The following FZD3 variants were observed in gnomAD, a reference collection of about 807,000 sequenced individuals.
FZD3 encodes the protein frizzled class receptor 3, also known as frizzled-3.
In FZD3, 30 loss-of-function variants were observed where a neutral mutation model predicts 60.7. The observed-to-expected ratio is 0.49, with a 90% confidence interval of 0.37 to 0.67. The LOEUF is 0.67. Ranked by LOEUF, FZD3 falls within the 30% of genes least tolerant of loss-of-function variation. FZD3 has a pLI of 0.00. For missense variants in FZD3, 605 were observed against 838.7 expected (o/e 0.72, Z 3.44); for synonymous variants, 246 against 275.2 (o/e 0.89, Z 1.05).
intron 7 of FZD3, among the ~76,000 whole-genome samples, chr8:28,557,193 G>A (rs1805525194): frequency 2.3e-5 from 3 of 132,332 alleles, no homozygotes; most frequent in South Asian, 2.5e-4. Context: ...TGGGCAACAA[G>A]AGCAAAACTC....
At chr8:28,524,441 T>C (rs900256356) in intron 4 of FZD3, among the ~76,000 whole-genome samples, 28 of 152,234 alleles carry the variant, frequency 1.8e-4, no homozygotes, top group African/African-American at 6.0e-4. Flanking sequence ...TTCTGTTCAT[T>C]TTCCTCAGCA....
intron 1 of FZD3, among the ~76,000 whole-genome samples, chr8:28,496,541 A>G (rs1254699168): frequency 1.3e-5 from 2 of 152,202 alleles, no homozygotes; most frequent in Non-Finnish European, 2.9e-5. Flanking sequence ...AAAAATATGT[A>G]CTGGATAAAT....
intron 5 of FZD3, among the ~76,000 whole-genome samples, chr8:28,533,672 G>C (rs541334280): frequency 6.6e-6 from 1 of 152,178 alleles, no homozygotes; most frequent in South Asian, 2.1e-4. Flanking sequence ...GTTCTTCACA[G>C]AAAGGTCCCC....
At position 28,551,503 on chromosome 8, in the gene FZD3, C is replaced by G; in HGVS notation, c.1405-100C>G. 9.6e-6 allele frequency: 9 copies of G among 934,648 alleles called. 1 individual carries two copies. The South Asian group carries it at 1.4e-4, about 14-fold the overall frequency. 57.9% of individuals were successfully genotyped at this position (934,648 alleles called of 1,614,324 possible). A position where few individuals can be genotyped will look rare whatever the true frequency, so the allele number is the denominator to read the frequency against. ...TGCACTCCAGCCTGGGTGACAAGAA[C>G]AAAACTCTGTCTCAAAAGAAAAAGA... On this transcript the variant is annotated intron_variant, in intron 5 of 7. Coordinates refer to ENST00000240093, the MANE Select transcript of FZD3 (RefSeq NM_017412.4).
At chr8:28,528,521 A>G (rs1288357270) in intron 5 of FZD3, among the ~76,000 whole-genome samples, 1 of 152,126 alleles carries the variant, frequency 6.6e-6, no homozygotes, top group East Asian at 1.9e-4. Context: ...CAGGTTAGAA[A>G]TTGTTTTATT....
chr8:28,540,152 C>G (rs1424320917), intron 5 of FZD3, among the ~76,000 whole-genome samples: 1 of 152,142 alleles, frequency 6.6e-6, no homozygotes. Context: ...CCTCAAGACC[C>G]AGGGCTTACA....
At chr8:28,541,948 A>G (rs141097982) in intron 5 of FZD3, among the ~76,000 whole-genome samples, 1,567 of 152,136 alleles carry the variant, frequency 0.01, 10 homozygotes, top group Non-Finnish European at 0.017. Context: ...TGGCCTTCCT[A>G]TTCAACTTCA....
rs150805541 is a variant in FZD3, at chr8:28,495,851, C to G, written c.-391+1508C>G. ...ATGCAGCCTTTCTTCTACCATACCCCCCCACCCCATTGTTTGAAACTATTA... is the reference window on the plus strand; with the variant it reads ...ATGCAGCCTTTCTTCTACCATACCCGCCCACCCCATTGTTTGAAACTATTA... On this transcript the variant is annotated intron_variant, in intron 1 of 7. Transcript: ENST00000240093. Among the ~76,000 whole-genome samples, 820 of 151,966 alleles carry G rather than the reference C, an allele frequency of 5.4e-3. 6 individuals carry two copies. The highest frequency in any genetic ancestry group is 0.018 in the African/African-American group (760 of 41,442).
intron 3 of FZD3, among the ~76,000 whole-genome samples, chr8:28,508,086 G>A (rs772099261): frequency 7.2e-5 from 11 of 152,028 alleles, no homozygotes; most frequent in Non-Finnish European, 1.2e-4. Context: ...GTAGAGGCAA[G>A]ATCTCACTAT....
At chr8:28,537,948 C>A (rs561885185) in intron 5 of FZD3, among the ~76,000 whole-genome samples, 2 of 152,074 alleles carry the variant, frequency 1.3e-5, no homozygotes, top group East Asian at 3.9e-4. Flanking sequence ...GAAACCCCGA[C>A]TCTACTAAAA....
intron 4 of FZD3, among the ~76,000 whole-genome samples, chr8:28,524,683 C>G (rs535182564): frequency 6.6e-6 from 1 of 152,254 alleles, no homozygotes; most frequent in South Asian, 2.1e-4. Context: ...ACAGCCCTCC[C>G]TGGATAATCT....
At chr8:28,501,460 C>T (rs1223671774) in intron 2 of FZD3, among the ~76,000 whole-genome samples, 1 of 152,140 alleles carries the variant, frequency 6.6e-6, no homozygotes, top group African/African-American at 2.4e-5. Context: ...TTAAGTTGTC[C>T]TATTAGTCTG....
chr8:28,509,077 G>A (rs981789011), intron 3 of FZD3, among the ~76,000 whole-genome samples: 1 of 152,072 alleles, frequency 6.6e-6, no homozygotes, highest in South Asian at 2.1e-4. Flanking sequence ...TGTGTTTTAA[G>A]TCACTGAAAT....
In FZD3 at chr8:28,564,143, A is replaced by C. The variant is rs1805663526; in HGVS notation, c.*1132A>C. 6.6e-6 allele frequency: 1 copy of C among 152,624 alleles called. No homozygotes were observed. Among genetic ancestry groups the C allele is most frequent in the Admixed American group, 6.5e-5 (1 of 15,278 alleles). 9.5% of individuals were successfully genotyped at this position (152,624 alleles called of 1,614,324 possible). ...AAGTGGTGATTGATTTGAGTATTTG[A>C]AAATTGTTGTAGCTAAATGAAGCAT... On this transcript the variant is annotated 3_prime_UTR_variant, in exon 8 of 8. Transcript: ENST00000240093.
At chr8:28,509,939 G>A (rs2130307048) in intron 3 of FZD3, among the ~76,000 whole-genome samples, 1 of 152,210 alleles carries the variant, frequency 6.6e-6, no homozygotes, top group Admixed American at 6.5e-5. Context: ...ATTATTTGGG[G>A]TTTGTAGTCA....
intron 5 of FZD3, among the ~76,000 whole-genome samples, chr8:28,539,854 T>TA (rs11434376): frequency 0.88 from 132,510 of 150,732 alleles, 58,444 homozygotes; most frequent in East Asian, 0.99. Context: ...TCACAATAAT[T>TA]AAAAAAAAAT....
intron 5 of FZD3, among the ~76,000 whole-genome samples, chr8:28,542,815 A>C (rs536959764): frequency 1.3e-5 from 2 of 152,266 alleles, no homozygotes; most frequent in South Asian, 4.1e-4. Flanking sequence ...TGTAAGTTCA[A>C]CAAGGGCAGA....
chr8:28,545,631 C>A (rs1805276510), intron 5 of FZD3, among the ~76,000 whole-genome samples: 1 of 152,218 alleles, frequency 6.6e-6, no homozygotes, highest in Non-Finnish European at 1.5e-5. Flanking sequence ...CCCCAGCCAT[C>A]ATCTGACTGC....
chr8:28,524,218 ATTTG>A (rs1235113097), intron 4 of FZD3, among the ~76,000 whole-genome samples: 2 of 152,088 alleles, frequency 1.3e-5, no homozygotes, highest in African/African-American at 4.8e-5. Context: ...TCCTGATCTC[ATTTG>A]TTTCTTTATT....
Sources: gnomAD v4.1 joint callset for allele counts (sites outside exome capture counted in the v4.1 genomes callset) on GRCh38, gnomAD v4.1.1 for gene constraint, MANE v1.5 for transcripts, NCBI Gene and HGNC (gene_info 2026-07-23, HGNC 2026-07-21) for gene names.